Variants in SCN7A observed in about 807,000 individuals in gnomAD.
The protein encoded by SCN7A is sodium channel protein type 7 subunit alpha.
SCN7A carries 138 observed loss-of-function variants against 155.2 expected under a neutral mutation model. The ratio of observed to expected loss-of-function variants is 0.89; its 90% confidence interval spans 0.77 to 1.02. SCN7A has a LOEUF of 1.02. SCN7A is among the 50% of genes least tolerant of loss of function. SCN7A has a pLI of 0.00. For missense variants in SCN7A, 2,058 were observed against 1,986.6 expected, an observed-to-expected ratio of 1.04 and a Z score of -0.68; for synonymous variants, 693 against 649.0, an observed-to-expected ratio of 1.07 and a Z score of -1.03.
chr2:166,434,388 A>G (rs1701796043), intron 15 of SCN7A, among the ~76,000 whole-genome samples: 1 of 152,004 alleles, frequency 6.6e-6, no homozygotes, highest in African/African-American at 2.4e-5. Context: ...AATATGGGAA[A>G]TGTTTTGTGG....
rs768300491 is a variant in SCN7A, at chr2:166,432,440, G to T, written c.2470C>A (p.Gln824Lys). 7.9e-5 allele frequency: 128 copies of T among 1,613,458 alleles called. No homozygotes were observed. Among genetic ancestry groups the T allele is most frequent in the Non-Finnish European group, 1.0e-4 (122 of 1,179,670 alleles). Residue 824 changes from glutamine to lysine, a missense_variant, in exon 16 of 26, where the codon CAA becomes AAA. Gln to Lys is a moderately conservative substitution (Grantham distance 53). Coordinates refer to ENST00000643258, the MANE Select transcript of SCN7A (RefSeq NM_002976.4). ...TEKNATENES[Q>K]SLIPSPSVSE... ...ACACTAGGACTGGGGATAAGTGATT[G>T]GCTCTCATTTTCAGTAGCGTTTTTC...
intron 3 of SCN7A, among the ~76,000 whole-genome samples, chr2:166,475,726 A>G (rs1702782395): frequency 6.6e-6 from 1 of 151,966 alleles, no homozygotes; most frequent in Non-Finnish European, 1.5e-5. Context: ...TAATCTCCCA[A>G]TTTAAGAGCT....
intron 2 of SCN7A, among the ~76,000 whole-genome samples, chr2:166,483,950 C>T (rs535729217): frequency 6.4e-4 from 98 of 152,054 alleles, no homozygotes; most frequent in African/African-American, 2.2e-3. Flanking sequence ...GATTATAGTA[C>T]ATCCTTAAAA....
chr2:166,463,380 T>A (rs919497753), intron 9 of SCN7A, among the ~76,000 whole-genome samples: 1 of 152,140 alleles, frequency 6.6e-6, no homozygotes, highest in African/African-American at 2.4e-5. Context: ...CTTGTTGTAG[T>A]TTTAATGGAA....
rs1273561065 is a variant in SCN7A at position 166,432,730 on chromosome 2, A to G, written c.2180T>C (p.Leu727Ser). The G allele has an allele frequency of 1.9e-6, 3 of 1,548,622 alleles. No individual in the cohort carries two copies. The highest frequency in any genetic ancestry group is 8.7e-7 in the Non-Finnish European group (1 of 1,153,554). The stretch of plus-strand genomic sequence containing the variant: ...CTTGCATGAACTAAATGAGCTCACC[A>G]ATGCCAGAAACAGGTAAAGTACCTA... The part of the protein sequence containing the change: ...NLLVLYLFLA[L>S]VSSFSSCKDV... Residue 727 changes from leucine (L) to serine (S), a missense_variant, in exon 16 of 26, where the codon TTG becomes TCG. Physicochemically the swap from Leu to Ser is moderately radical, Grantham distance 145. Transcript: ENST00000643258.
chr2:166,420,960 T>A (rs1701497718), intron 20 of SCN7A, among the ~76,000 whole-genome samples: 1 of 152,028 alleles, frequency 6.6e-6, no homozygotes, highest in East Asian at 1.9e-4. Flanking sequence ...TCTCAAATAC[T>A]AGTTTCTTTT....
intron 25 of SCN7A, among the ~76,000 whole-genome samples, chr2:166,408,418 C>A (rs2105359393): frequency 6.6e-6 from 1 of 152,108 alleles, no homozygotes; most frequent in South Asian, 2.1e-4. Flanking sequence ...TTTTACAAAT[C>A]TACATTTATA....
chr2:166,452,640 T>A (rs1017185017), intron 11 of SCN7A, among the ~76,000 whole-genome samples: 2 of 152,206 alleles, frequency 1.3e-5, no homozygotes, highest in Non-Finnish European at 2.9e-5. Flanking sequence ...ATATACATGA[T>A]TATCTTCCTG....
At chr2:166,408,411 TA>T (rs1182228316) in intron 25 of SCN7A, among the ~76,000 whole-genome samples, 1 of 152,006 alleles carries the variant, frequency 6.6e-6, no homozygotes, top group African/African-American at 2.4e-5. Context: ...TCCATCATTT[TA>T]CAAATCTACA....
At chr2:166,489,887 T>C (rs1266528987) in intron 1 of SCN7A, among the ~76,000 whole-genome samples, 1 of 152,156 alleles carries the variant, frequency 6.6e-6, no homozygotes, top group Admixed American at 6.5e-5. Flanking sequence ...AAGTGGTAAG[T>C]AAGCAACTTT....
intron 2 of SCN7A, among the ~76,000 whole-genome samples, chr2:166,486,388 A>G (rs1703049248): frequency 6.6e-6 from 1 of 152,202 alleles, no homozygotes; most frequent in East Asian, 1.9e-4. Context: ...AGATAGACAC[A>G]AAACCTTCAA....
At chr2:166,463,110 T>C (rs1702450747) in intron 9 of SCN7A, among the ~76,000 whole-genome samples, 1 of 152,216 alleles carries the variant, frequency 6.6e-6, no homozygotes, top group South Asian at 2.1e-4. Context: ...AATGACTTCA[T>C]GTAAAGCCCT....
At chr2:166,460,774 A>C (rs531337749) in intron 10 of SCN7A, among the ~76,000 whole-genome samples, 1 of 152,316 alleles carries the variant, frequency 6.6e-6, no homozygotes, top group South Asian at 2.1e-4. Context: ...CAGAGAGTAT[A>C]TATTAGAGTA....
chr2:166,416,150 C>G (rs1435842628), intron 21 of SCN7A, among the ~76,000 whole-genome samples: 1 of 152,124 alleles, frequency 6.6e-6, no homozygotes, highest in Non-Finnish European at 1.5e-5. Context: ...GAAACTCCAT[C>G]CTGGTAAATT....
chr2:166,470,905 T>A (rs1039630958), intron 6 of SCN7A, among the ~76,000 whole-genome samples, 199 bp from the exon 7 acceptor site: 2 of 151,688 alleles, frequency 1.3e-5, no homozygotes, highest in Non-Finnish European at 3.0e-5. Context: ...CAGGTAAATA[T>A]TAATCTATAT....
In SCN7A at chr2:166,452,664, AGTT is replaced by A. The variant is rs554102028; in HGVS notation, c.1290+4203_1290+4205del. ...ATTATCTTCCTGAGATTTTGCCAGT[AGTT>A]GACAATTCATAAGAAAGTTTCACCT... On this transcript the variant is annotated intron_variant, in intron 11 of 25. Coordinates refer to ENST00000643258, the MANE Select transcript of SCN7A (RefSeq NM_002976.4). 2.6e-3 allele frequency among the ~76,000 whole-genome samples: 402 copies of A among 152,310 alleles called. 1 individual carries two copies. Among genetic ancestry groups the A allele is most frequent in the Non-Finnish European group, 4.3e-3 (291 of 67,998 alleles).
At chr2:166,465,680 G>T in intron 8 of SCN7A, 101 bp downstream of exon 8, 1 of 1,364,308 alleles carries the variant, frequency 7.3e-7, no homozygotes, top group Non-Finnish European at 1.0e-6. Flanking sequence ...CAGCGCCTTT[G>T]GGAATCTAAC....
intron 11 of SCN7A, 123 bp from the exon 12 acceptor site, chr2:166,447,831 T>C (rs1262790093): frequency 3.0e-6 from 2 of 666,292 alleles, no homozygotes; most frequent in Admixed American, 6.2e-5. Flanking sequence ...TTTTATTAAA[T>C]TGATACATAA....
chr2:166,417,586 T>A (rs569216060), intron 20 of SCN7A, among the ~76,000 whole-genome samples: 13 of 107,644 alleles, frequency 1.2e-4, no homozygotes, highest in Non-Finnish European at 2.3e-4. Flanking sequence ...ATAATTATTT[T>A]GCTGGCTTAA....
Sources: allele counts gnomAD v4.1 joint callset (sites outside exome capture counted in the v4.1 genomes callset), GRCh38; gene constraint gnomAD v4.1.1; transcripts MANE v1.5; gene names NCBI Gene and HGNC (gene_info 2026-07-23, HGNC 2026-07-21).